MSRA: variants seen among roughly 807,000 people sequenced by gnomAD.
The protein encoded by MSRA is methionine sulfoxide reductase A, also known as mitochondrial peptide methionine sulfoxide reductase.
In MSRA, 54 loss-of-function variants were observed where a neutral mutation model predicts 31.3. The observed-to-expected ratio is 1.73, with a 90% CI of 1.39 to 2.17. The LOEUF (loss-of-function observed/expected upper bound fraction) is 2.17, where lower values mean the gene tolerates loss of function less well. MSRA is among the 30% of genes most tolerant of loss of function. The pLI, the probability that MSRA is intolerant of heterozygous loss-of-function variation, is 0.00. For synonymous variants in MSRA, 169 were observed against 116.5 expected (o/e 1.45, Z -2.90); for missense variants, 507 against 300.9 (o/e 1.69, Z -5.07).
chr8:10,189,101 A>G (rs974292924), intron 1 of MSRA, among the ~76,000 whole-genome samples: 2 of 152,182 alleles, frequency 1.3e-5, no homozygotes, highest in African/African-American at 4.8e-5. Flanking sequence ...AAATCTCCCT[A>G]GTATTTCATG....
intron 1 of MSRA, among the ~76,000 whole-genome samples, chr8:10,082,533 A>C (rs1474096458): frequency 6.6e-6 from 1 of 152,184 alleles, no homozygotes. Flanking sequence ...GGTTCTGGCT[A>C]ACATCCGTGC....
intron 1 of MSRA, among the ~76,000 whole-genome samples, chr8:10,133,990 C>G (rs554651878): frequency 6.6e-6 from 1 of 152,222 alleles, no homozygotes; most frequent in Non-Finnish European, 1.5e-5. Context: ...GCCACCATGC[C>G]TGGCTAATTT....
At chr8:10,351,128 C>T (rs1804113014) in intron 5 of MSRA, among the ~76,000 whole-genome samples, 1 of 151,752 alleles carries the variant, frequency 6.6e-6, no homozygotes, top group African/African-American at 2.4e-5. Context: ...TCAGTGGAAG[C>T]TTGTTCCTCG....
rs144831265 is a variant in MSRA at position 10,315,405 on chromosome 8, G to A, written c.437-4478G>A. On this transcript the variant is annotated intron_variant, in intron 4 of 5. Transcript: ENST00000317173. Reference sequence around the variant, plus strand: ...GGAAGACTCTCAAGGGTACTTGGCTGTACTCTCTTTCTTGACATTAGTGGT... The same window carrying A: ...GGAAGACTCTCAAGGGTACTTGGCTATACTCTCTTTCTTGACATTAGTGGT... Among the ~76,000 whole-genome samples, 61 of 152,342 alleles carry A rather than the reference G, an allele frequency of 4.0e-4. 1 individual carries two copies. In the East Asian group the frequency reaches 0.011, roughly 28 times the overall value.
chr8:10,175,695 C>A (rs1563183491), intron 1 of MSRA, among the ~76,000 whole-genome samples: 1 of 152,234 alleles, frequency 6.6e-6, no homozygotes, highest in Non-Finnish European at 1.5e-5. Flanking sequence ...AAGCTTTTCA[C>A]TTTGAAGATG....
chr8:10,242,661 C>A (rs1797396459), intron 2 of MSRA, among the ~76,000 whole-genome samples: 1 of 152,000 alleles, frequency 6.6e-6, no homozygotes, highest in African/African-American at 2.4e-5. Flanking sequence ...ATAATGATCA[C>A]CAGATTATTG....
chr8:10,262,795 C>T (rs1798549675), intron 3 of MSRA, among the ~76,000 whole-genome samples: 1 of 152,220 alleles, frequency 6.6e-6, no homozygotes, highest in African/African-American at 2.4e-5. Flanking sequence ...TCTCAATATT[C>T]TCCCAGAAAG....
In MSRA at chr8:10,115,740, T is replaced by C. The variant is rs948696096; in HGVS notation, c.142+61082T>C. 3.7e-4 allele frequency among the ~76,000 whole-genome samples: 56 copies of C among 152,132 alleles called. 1 individual carries two copies. The highest frequency in any genetic ancestry group is 7.9e-4 in the Admixed American group (12 of 15,272). ...ATCTGCGTGATGAATTTGAGGAGGATACACTGGTCCCGCAGGGCAAGGACG... is the reference window on the plus strand; with the variant it reads ...ATCTGCGTGATGAATTTGAGGAGGACACACTGGTCCCGCAGGGCAAGGACG... On this transcript the variant is annotated intron_variant, in intron 1 of 5. Coordinates refer to ENST00000317173, the MANE Select transcript of MSRA (RefSeq NM_012331.5).
At chr8:10,417,780 C>T (rs200580477) in intron 5 of MSRA, among the ~76,000 whole-genome samples, 1 of 41,750 alleles carries the variant, frequency 2.4e-5, no homozygotes, top group African/African-American at 1.1e-4. Context: ...GTGTGTGTGT[C>T]TGTGTACACG....
At chr8:10,062,370 T>C (rs1280303853) in intron 1 of MSRA, among the ~76,000 whole-genome samples, 2 of 152,206 alleles carry the variant, frequency 1.3e-5, no homozygotes, top group South Asian at 2.1e-4. Flanking sequence ...GTGGATCTTC[T>C]ACATGCTGCT....
intron 5 of MSRA, among the ~76,000 whole-genome samples, chr8:10,420,397 T>G (rs1311602217): frequency 1.3e-5 from 2 of 152,064 alleles, no homozygotes. Flanking sequence ...TCTAAAAATA[T>G]GGGGAGACTC....
In MSRA at chr8:10,201,800, G is replaced by A. The variant is rs533253508; in HGVS notation, c.143-6033G>A. ...TTAACTGCTACTCTGCAAGCACTGC[G>A]CTCTCAAGATGAATGAAAATCTGTT... On this transcript the variant is annotated intron_variant, in intron 1 of 5. Transcript: ENST00000317173. Among the ~76,000 whole-genome samples, 11 of 152,294 alleles carry A rather than the reference G, an allele frequency of 7.2e-5. No homozygotes were observed. The South Asian group carries it at 1.5e-3, about 20-fold the overall frequency.
chr8:10,086,832 G>A (rs185451449), intron 1 of MSRA, among the ~76,000 whole-genome samples: 252 of 151,508 alleles, frequency 1.7e-3, no homozygotes, highest in Non-Finnish European at 3.0e-3. Flanking sequence ...GAGGAGAGGC[G>A]AAGAGAGGTG....
chr8:10,218,192 G>C (rs985327469), intron 2 of MSRA, among the ~76,000 whole-genome samples: 3 of 151,370 alleles, frequency 2.0e-5, no homozygotes, highest in African/African-American at 7.3e-5. Flanking sequence ...TGTTGCCGAG[G>C]CTGGAGTGTA....
chr8:10,361,568 C>T (rs2129165344), intron 5 of MSRA, among the ~76,000 whole-genome samples: 1 of 152,248 alleles, frequency 6.6e-6, no homozygotes, highest in East Asian at 1.9e-4. Context: ...TTCTTGAAGG[C>T]TGCAAACTCG....
chr8:10,379,648 C>T (rs184745513), intron 5 of MSRA, among the ~76,000 whole-genome samples: 41 of 152,322 alleles, frequency 2.7e-4, no homozygotes, highest in African/African-American at 8.7e-4. Context: ...CTAGTGGTAG[C>T]CCCTTTGTTT....
At chr8:10,255,914 C>G (rs929732880) in intron 3 of MSRA, among the ~76,000 whole-genome samples, 3 of 152,056 alleles carry the variant, frequency 2.0e-5, no homozygotes, top group Admixed American at 1.3e-4. Flanking sequence ...TCCCATCTAT[C>G]CCATCCCCCC....
intron 1 of MSRA, among the ~76,000 whole-genome samples, chr8:10,203,768 C>T (rs1429882398): frequency 2.0e-5 from 3 of 152,214 alleles, no homozygotes; most frequent in Admixed American, 2.0e-4. Flanking sequence ...GAGGCAGGTA[C>T]TTCAGGAGGT....
chr8:10,405,608 C>T (rs1442638176), intron 5 of MSRA, among the ~76,000 whole-genome samples: 1 of 152,182 alleles, frequency 6.6e-6, no homozygotes, highest in Non-Finnish European at 1.5e-5. Context: ...TAGGGTAGAC[C>T]TTTACCACTG....
Sources: allele counts gnomAD v4.1 joint callset (sites outside exome capture counted in the v4.1 genomes callset), GRCh38; gene constraint gnomAD v4.1.1; transcripts MANE v1.5; gene names NCBI Gene and HGNC (gene_info 2026-07-23, HGNC 2026-07-21).